The following GPBP1 variants were observed in gnomAD, a reference collection of about 807,000 sequenced individuals.
GPBP1 encodes GC-rich promoter binding protein 1.
GPBP1 carries 13 observed loss-of-function variants against 56.5 expected under a neutral mutation model. That is an observed-to-expected ratio of 0.23 (90% CI 0.15 to 0.37). The LOEUF (loss-of-function observed/expected upper bound fraction) is 0.37, where lower values mean the gene tolerates loss of function less well. Among genes scored for constraint, GPBP1 ranks in the 10% least tolerant of loss-of-function variants. GPBP1 has a pLI of 1.00. For missense variants in GPBP1, 477 were observed against 572.3 expected (o/e 0.83, Z 1.70); for synonymous variants, 204 against 188.9 (o/e 1.08, Z -0.66).
Position 57,213,947 on chromosome 5 carries a change from T to C in GPBP1, c.-57-127T>C, listed in dbSNP as rs77892078. On this transcript the variant is annotated intron_variant, in intron 2 of 11. Transcript: ENST00000506184. Reference sequence around the variant, plus strand: ...TGATCTATTTTCTATCTCTATAGTTTTGTCTTTTCTAGATTTTCATTATAA... The same window carrying C: ...TGATCTATTTTCTATCTCTATAGTTCTGTCTTTTCTAGATTTTCATTATAA... 2.8e-3 allele frequency: 1,575 copies of C among 553,468 alleles called. 22 individuals carry two copies. Among genetic ancestry groups the C allele is most frequent in the African/African-American group, 0.028 (1,466 of 52,194 alleles). The allele number at this position is 553,468 out of a possible 1,614,324, so 34.3% of individuals were successfully genotyped here. A position where few individuals can be genotyped will look rare whatever the true frequency, so the allele number is the denominator to read the frequency against.
intron 2 of GPBP1, among the ~76,000 whole-genome samples, chr5:57,200,294 T>G (rs1754955113): frequency 6.6e-6 from 1 of 151,884 alleles, no homozygotes; most frequent in South Asian, 2.1e-4. Flanking sequence ...GGTAATTTCA[T>G]TTTCTGTTTA....
At chr5:57,219,376 A>AG (rs1755832287) in intron 3 of GPBP1, among the ~76,000 whole-genome samples, 2 of 15,700 alleles carry the variant, frequency 1.3e-4, no homozygotes, top group Non-Finnish European at 2.0e-4. Flanking sequence ...ACTCTGTCTC[A>AG]AAAAAAAAAA....
Position 57,247,202 on chromosome 5 carries a change from A to G in GPBP1, c.791A>G (p.Asn264Ser), listed in dbSNP as rs146500410. Residue 264 changes from asparagine to serine, a missense_variant, in exon 8 of 12, where the codon AAT (asparagine) becomes AGT (serine). Asn to Ser is a conservative substitution (Grantham distance 46, BLOSUM62 1). Coordinates refer to ENST00000506184, the MANE Select transcript of GPBP1 (RefSeq NM_022913.4). The stretch of plus-strand genomic sequence containing the variant: ...GCCAAGAACTTTAGTCCATCTACAA[A>G]TTCAGTGAAAGAGGTATGACATTAA... ...STAKNFSPST[N>S]SVKECNRSNS... 2.9e-5 allele frequency: 46 copies of G among 1,612,800 alleles called. No homozygotes were observed. The highest frequency in any genetic ancestry group is 3.5e-5 in the Non-Finnish European group (41 of 1,179,522).
At chr5:57,202,519 C>G (rs2111704015) in intron 2 of GPBP1, among the ~76,000 whole-genome samples, 1 of 152,244 alleles carries the variant, frequency 6.6e-6, no homozygotes, top group Non-Finnish European at 1.5e-5. Context: ...GAACTCCTGA[C>G]CTGCAGTGAT....
chr5:57,217,803 A>T (rs536911509), intron 3 of GPBP1, among the ~76,000 whole-genome samples: 121 of 152,270 alleles, frequency 7.9e-4, no homozygotes, highest in African/African-American at 2.8e-3. Flanking sequence ...GAATCTCTTG[A>T]GGCCAGGAGT....
chr5:57,207,273 A>G (rs1040204903), intron 2 of GPBP1, among the ~76,000 whole-genome samples: 5 of 152,358 alleles, frequency 3.3e-5, no homozygotes, highest in African/African-American at 1.2e-4. Context: ...CGCACTTCCA[A>G]AGGAAATTGA....
chr5:57,227,058 T>C (rs1756231581), intron 3 of GPBP1, among the ~76,000 whole-genome samples: 1 of 151,410 alleles, frequency 6.6e-6, no homozygotes, highest in South Asian at 2.1e-4. Context: ...TTGAAATTAT[T>C]TTTTAACTTT....
intron 2 of GPBP1, among the ~76,000 whole-genome samples, chr5:57,206,956 T>G (rs1265287855): frequency 1.3e-5 from 2 of 152,042 alleles, no homozygotes; most frequent in African/African-American, 4.8e-5. Context: ...TTTTTAAAAT[T>G]AGCTTGGTGT....
At chr5:57,199,126 A>G (rs1754888880) in intron 2 of GPBP1, among the ~76,000 whole-genome samples, 1 of 152,186 alleles carries the variant, frequency 6.6e-6, no homozygotes, top group Non-Finnish European at 1.5e-5. Context: ...GTGTTCTTTC[A>G]GAATACTACT....
At chr5:57,181,715 G>T (rs1226528111) in intron 2 of GPBP1, among the ~76,000 whole-genome samples, 1 of 152,124 alleles carries the variant, frequency 6.6e-6, no homozygotes, top group African/African-American at 2.4e-5. Flanking sequence ...GAGCCACCAT[G>T]CCAGGCCGAG....
chr5:57,252,559 TTTTG>T lies in GPBP1; in HGVS notation c.1160+1420_1160+1423del, dbSNP rs565756881. 2.0e-5 allele frequency among the ~76,000 whole-genome samples: 3 copies of T among 151,960 alleles called. No homozygotes were observed. The South Asian group carries it at 6.3e-4, about 32-fold the overall frequency. On this transcript the variant is annotated intron_variant, in intron 10 of 11. Transcript: ENST00000506184. Reference sequence around the variant, plus strand: ...GTGTGCACCACCATACCCAGCTAATTTTTGTATTTTTTTGTAGTGATGAGGGTTT... The same window carrying T: ...GTGTGCACCACCATACCCAGCTAATTTATTTTTTTGTAGTGATGAGGGTTT...
chr5:57,232,490 A>C (rs1194019752), intron 5 of GPBP1, among the ~76,000 whole-genome samples: 1 of 152,252 alleles, frequency 6.6e-6, no homozygotes, highest in Non-Finnish European at 1.5e-5. Flanking sequence ...AGCAGGCATT[A>C]AGTCATAGAC....
At chr5:57,243,740 T>C (rs1740943324) in intron 6 of GPBP1, among the ~76,000 whole-genome samples, 1 of 151,490 alleles carries the variant, frequency 6.6e-6, no homozygotes, top group Non-Finnish European at 1.5e-5. Flanking sequence ...CAGACTGGAG[T>C]ACAGTTGTGC....
intron 2 of GPBP1, among the ~76,000 whole-genome samples, chr5:57,213,293 TGCCCTCCTCG>T (rs931597635): frequency 1.1e-4 from 16 of 152,080 alleles, no homozygotes; most frequent in Admixed American, 2.6e-4. Context: ...TCAGGTGATC[TGCCCTCCTCG>T]GCCTCCCAAA....
intron 3 of GPBP1, among the ~76,000 whole-genome samples, chr5:57,225,367 G>A (rs889074039): frequency 8.6e-5 from 13 of 151,692 alleles, no homozygotes; most frequent in Admixed American, 5.9e-4. Flanking sequence ...GGTGGCGGGC[G>A]CCTGTAGTCC....
intron 6 of GPBP1, among the ~76,000 whole-genome samples, chr5:57,245,244 T>A (rs1043770219): frequency 6.6e-6 from 1 of 152,214 alleles, no homozygotes; most frequent in Admixed American, 6.5e-5. Context: ...GATGAACCTT[T>A]TCTCAGATTA....
chr5:57,223,378 G>C (rs62355731), intron 3 of GPBP1, among the ~76,000 whole-genome samples: 15,456 of 152,046 alleles, frequency 0.1, 999 homozygotes, highest in Non-Finnish European at 0.15. Context: ...ATGAGCCACC[G>C]TGCCCGGCCT....
chr5:57,202,084 C>A (rs951590630), intron 2 of GPBP1, among the ~76,000 whole-genome samples: 2 of 152,124 alleles, frequency 1.3e-5, no homozygotes, highest in Admixed American at 6.5e-5. Context: ...GCCTTGACTT[C>A]CCAGGTTCAG....
At chr5:57,233,608 C>T (rs1478251927) in intron 5 of GPBP1, among the ~76,000 whole-genome samples, 6 of 152,004 alleles carry the variant, frequency 3.9e-5, no homozygotes, top group African/African-American at 1.4e-4. Flanking sequence ...AAAACTGTTA[C>T]TAAAGTCTTA....
Sources: gnomAD v4.1 joint callset for allele counts (sites outside exome capture counted in the v4.1 genomes callset) on GRCh38, gnomAD v4.1.1 for gene constraint, MANE v1.5 for transcripts, NCBI Gene and HGNC (gene_info 2026-07-23, HGNC 2026-07-21) for gene names.